FXR1: variants seen among roughly 807,000 people sequenced by gnomAD.
FXR1 encodes RNA-binding protein FXR1.
Under a neutral mutation model 84.0 loss-of-function variants are expected in FXR1, and 15 were observed. That is an observed-to-expected ratio of 0.18 (90% CI 0.12 to 0.27). The LOEUF (loss-of-function observed/expected upper bound fraction) is 0.27. FXR1 is among the 10% of genes least tolerant of loss of function. The pLI, the probability that FXR1 is intolerant of heterozygous loss-of-function variation, is 1.00. For synonymous variants in FXR1, 245 were observed against 250.7 expected (o/e 0.98, Z 0.21); for missense variants, 480 against 774.4 (o/e 0.62, Z 4.51).
chr3:180,933,156 A>G (rs1430637486), intron 1 of FXR1, 178 bp from the exon 2 acceptor site: 3 of 557,352 alleles, frequency 5.4e-6, no homozygotes, highest in Admixed American at 3.7e-5. Context: ...AGAGAGGTTA[A>G]GTAACTTAAA....
At chr3:180,948,955 G>A in intron 6 of FXR1, 141 bp downstream of exon 6, 1 of 625,640 alleles carries the variant, frequency 1.6e-6, no homozygotes. Context: ...AAATTTGTTT[G>A]CAGCTATAAA....
At chr3:180,973,015 C>A (rs1053893418) in intron 15 of FXR1, among the ~76,000 whole-genome samples, 14 of 152,140 alleles carry the variant, frequency 9.2e-5, no homozygotes, top group African/African-American at 3.4e-4. Context: ...TATTCTTTAC[C>A]ACACTTAGAA....
chr3:180,930,328 G>A (rs1433612100), intron 1 of FXR1, among the ~76,000 whole-genome samples: 2 of 152,072 alleles, frequency 1.3e-5, no homozygotes. Flanking sequence ...TGCACTCAAA[G>A]TTGATACTGA....
chr3:180,926,479 TATA>T (rs1719198557), intron 1 of FXR1, among the ~76,000 whole-genome samples: 1 of 18,424 alleles, frequency 5.4e-5, no homozygotes, highest in Admixed American at 4.2e-4. Context: ...GATTGTACTG[TATA>T]TATATATATA....
chr3:180,966,349 G>T (rs1712830670), intron 13 of FXR1, among the ~76,000 whole-genome samples: 1 of 152,104 alleles, frequency 6.6e-6, no homozygotes, highest in Non-Finnish European at 1.5e-5. Flanking sequence ...TAGAGAAAAG[G>T]TAGGCATCCT....
At chr3:180,916,919 C>CG (rs913345206) in intron 1 of FXR1, among the ~76,000 whole-genome samples, 11 of 152,286 alleles carry the variant, frequency 7.2e-5, no homozygotes, top group African/African-American at 2.4e-4. Context: ...GCTGCAACCT[C>CG]TGACTCAGTG....
chr3:180,960,685 G>A (rs988805021), intron 10 of FXR1, among the ~76,000 whole-genome samples: 1 of 151,848 alleles, frequency 6.6e-6, no homozygotes, highest in African/African-American at 2.4e-5. Context: ...GGCTGGTCTC[G>A]AACTCATGAA....
rs990782183 is a variant in FXR1, at chr3:180,968,624, T to C, written c.1402+370T>C. On this transcript the variant is annotated intron_variant, in intron 14 of 16. Transcript: ENST00000357559. ...CAGAGATTTCTAATGCACAGAGAGA[T>C]GTCAGTACTTTTCTATACTTAATAT... Among the ~76,000 whole-genome samples, 8 of 152,186 alleles carry C rather than the reference T, an allele frequency of 5.3e-5. No individual in the cohort carries two copies. The East Asian group carries it at 1.5e-3, about 29-fold the overall frequency.
chr3:180,912,789 G>A (rs1337445324), intron 1 of FXR1, 53 bp downstream of exon 1: 2 of 1,613,748 alleles, frequency 1.2e-6, no homozygotes, highest in Non-Finnish European at 8.5e-7. Flanking sequence ...GAGCGCGTTT[G>A]AGGGAGGGTT....
At chr3:180,970,416 A>G (rs1713410771) in intron 15 of FXR1, 58 bp downstream of exon 15, 1 of 287,366 alleles carries the variant, frequency 3.5e-6, no homozygotes, top group Non-Finnish European at 6.3e-6. Context: ...ATATATATAT[A>G]TATATAATTG....
At chr3:180,970,933 C>T in intron 15 of FXR1, 1 of 254,366 alleles carries the variant, frequency 3.9e-6, no homozygotes, top group African/African-American at 2.3e-5. Flanking sequence ...AATGTATTTC[C>T]TGTCAGTAAA....
intron 1 of FXR1, among the ~76,000 whole-genome samples, chr3:180,931,523 A>C (rs1719897814): frequency 6.6e-6 from 1 of 152,042 alleles, no homozygotes; most frequent in Non-Finnish European, 1.5e-5. Context: ...CGGGCCTACC[A>C]TAGCAATCTT....
intron 3 of FXR1, among the ~76,000 whole-genome samples, chr3:180,937,743 C>T (rs753451594): frequency 1.6e-4 from 25 of 151,894 alleles, no homozygotes; most frequent in African/African-American, 3.4e-4. Flanking sequence ...TTTAGAAATT[C>T]GGAGTTAGTG....
At position 180,951,420 on chromosome 3, in the gene FXR1, C is replaced by T. The variant is rs73176330; in HGVS notation, c.753C>T (p.Thr251=). 13,075 of 1,612,652 alleles carry T rather than the reference C, an allele frequency of 8.1e-3. 106 individuals are homozygous for T. The highest frequency in any genetic ancestry group is 7.9e-3 in the Non-Finnish European group (9,362 of 1,178,818). ...AAGCTAGGAAGGTTCCTGGAGTTAC[C>T]GCCATTGAGCTAGATGAAGATACTG... The part of the protein sequence containing the change: ...IQQARKVPGV[T]AIELDEDTGT... Residue 251 remains threonine, a synonymous_variant, in exon 8 of 17, where the codon ACC becomes ACT. Coordinates refer to ENST00000357559, the MANE Select transcript of FXR1 (RefSeq NM_005087.4).
intron 3 of FXR1, among the ~76,000 whole-genome samples, chr3:180,938,325 A>G (rs980492715): frequency 1.3e-5 from 2 of 152,208 alleles, no homozygotes; most frequent in Admixed American, 6.5e-5. Context: ...TTTTTCATAC[A>G]TTAAGTGACT....
Position 180,978,349 on chromosome 3 carries a change from ATTACT to A in FXR1, c.*2062_*2066del, listed in dbSNP as rs1421004351. 2 of 152,144 alleles carry A rather than the reference ATTACT, an allele frequency of 1.3e-5. No individual in the cohort carries two copies. The highest frequency in any genetic ancestry group is 4.8e-5 in the African/African-American group (2 of 41,442). 9.4% of individuals were successfully genotyped at this position (152,144 alleles called of 1,614,324 possible). On this transcript the variant is annotated 3_prime_UTR_variant, in exon 17 of 17. Transcript: ENST00000357559. Reference sequence around the variant, plus strand: ...TTCTAGCAATAACCACACTAAGTTCATTACTTTACAAATGACTAAACCCAATGTCT... The same window carrying A: ...TTCTAGCAATAACCACACTAAGTTCATTACAAATGACTAAACCCAATGTCT...
chr3:180,953,866 T>G, intron 9 of FXR1, 26 bp downstream of exon 9: 1 of 1,130,856 alleles, frequency 8.8e-7, no homozygotes, highest in Non-Finnish European at 1.3e-6. Context: ...AAATGTTAAA[T>G]AAGTTAATAA....
rs539879232 is a variant in FXR1, at chr3:180,932,230, C to T, written c.52-1104C>T. 2.5e-3 allele frequency among the ~76,000 whole-genome samples: 376 copies of T among 151,966 alleles called. 1 individual carries two copies. Among genetic ancestry groups the T allele is most frequent in the Non-Finnish European group, 4.5e-3 (309 of 67,968 alleles). The stretch of plus-strand genomic sequence containing the variant: ...AACAGATGTGTTCATTTTTGTCTTA[C>T]TTTGACCAGGTACTATACATGTGTT... On this transcript the variant is annotated intron_variant, in intron 1 of 16. Coordinates refer to ENST00000357559, the MANE Select transcript of FXR1 (RefSeq NM_005087.4).
chr3:180,957,772 A>T (rs1056042499), intron 9 of FXR1, 47 bp from the exon 10 acceptor site: 2 of 825,726 alleles, frequency 2.4e-6, no homozygotes, highest in Non-Finnish European at 2.0e-6. Context: ...AAAGAATAGC[A>T]GAATTGAGTT....
Sources: allele counts gnomAD v4.1 joint callset (sites outside exome capture counted in the v4.1 genomes callset), GRCh38; gene constraint gnomAD v4.1.1; transcripts MANE v1.5; gene names NCBI Gene and HGNC (gene_info 2026-07-23, HGNC 2026-07-21).